Variants in SEMA6B observed in about 807,000 individuals in gnomAD.
The protein encoded by SEMA6B is semaphorin-6B.
Under a neutral mutation model 78.6 loss-of-function variants are expected in SEMA6B, and 47 were observed. The observed-to-expected ratio is 0.60, with a 90% CI of 0.47 to 0.76. SEMA6B has a LOEUF of 0.76. SEMA6B is among the 30% of genes least tolerant of loss of function. The pLI, the probability that SEMA6B is intolerant of heterozygous loss-of-function variation, is 0.00. For missense variants in SEMA6B, 1,213 were observed against 1,269.9 expected, an observed-to-expected ratio of 0.96 and a Z score of 0.68; for synonymous variants, 632 against 592.2, an observed-to-expected ratio of 1.07 and a Z score of -0.98.
At chr19:4,553,758 G>A (rs1977398279) in intron 9 of SEMA6B, among the ~76,000 whole-genome samples, 1 of 140,506 alleles carries the variant, frequency 7.1e-6, no homozygotes, top group Non-Finnish European at 1.5e-5. Context: ...GTGTGTTGGT[G>A]GATGGGTAGA....
chr19:4,548,456 G>C lies in SEMA6B; in HGVS notation c.1272-11C>G. On this transcript the variant is annotated splice_polypyrimidine_tract_variant and intron_variant, in intron 12 of 16. Coordinates refer to ENST00000586582, the MANE Select transcript of SEMA6B (RefSeq NM_032108.4). Reference sequence around the variant, plus strand: ...CGAGTCAGCTGGTGCCTGGGGGACAGGGCAGGGGAGGGTCAGGCTGGCCCC... The same window carrying C: ...CGAGTCAGCTGGTGCCTGGGGGACACGGCAGGGGAGGGTCAGGCTGGCCCC... 1 of 1,605,774 alleles carries C rather than the reference G, an allele frequency of 6.2e-7. No individual in the cohort carries two copies. Among genetic ancestry groups the C allele is most frequent in the South Asian group, 1.1e-5 (1 of 91,002 alleles).
intron 12 of SEMA6B, among the ~76,000 whole-genome samples, chr19:4,549,779 A>AT (rs1409167863): frequency 6.7e-6 from 1 of 149,150 alleles, no homozygotes; most frequent in Non-Finnish European, 1.5e-5. Context: ...TGCCCGGCCA[A>AT]TTTTTGTATT....
Position 4,556,083 on chromosome 19 carries a change from A to T in SEMA6B, c.376T>A (p.Cys126Ser). 1 of 1,613,172 alleles carries T rather than the reference A, an allele frequency of 6.2e-7. No homozygotes were observed. Among genetic ancestry groups the T allele is most frequent in the Non-Finnish European group, 8.5e-7 (1 of 1,179,340 alleles). The change falls in exon 6 of 17, where the codon TGT becomes AGT. Residue 126 changes from cysteine (C) to serine (S), a missense_variant. Transcript: ENST00000586582. ...CRMKGKQEGE[C>S]RNFVKVLLLR... ...AGCAGCACCTTTACGAAGTTTCGAC[A>T]CTCGCCCTGAGGTGGGGACAGGAGG...
At position 4,555,364 on chromosome 19, in the gene SEMA6B, G is replaced by A. The variant is rs1977439297; in HGVS notation, c.562+110C>T. On this transcript the variant is annotated intron_variant, in intron 7 of 16. Coordinates refer to ENST00000586582, the MANE Select transcript of SEMA6B (RefSeq NM_032108.4). The surrounding 1 kb of genome is among the most constrained non-coding windows in gnomAD (Gnocchi z 6.1). ...TGAGAGTCTGCCCATGTCACAGCTG[G>A]GACAAGTGGTCGTCCAGCTGCCTTC... is the stretch of plus-strand genomic sequence containing the variant. The A allele has an allele frequency of 3.0e-6, 3 of 987,080 alleles. No individual in the cohort carries two copies. Among genetic ancestry groups the A allele is most frequent in the Non-Finnish European group, 4.5e-6 (3 of 661,698 alleles). 61.1% of individuals were successfully genotyped at this position (987,080 alleles called of 1,614,324 possible).
At position 4,552,406 on chromosome 19, in the gene SEMA6B, A is replaced by C; in HGVS notation, c.989+16T>G. 1 of 1,559,846 alleles carries C rather than the reference A, an allele frequency of 6.4e-7. No individual in the cohort carries two copies. Among genetic ancestry groups the C allele is most frequent in the East Asian group, 2.4e-5 (1 of 41,680 alleles). On this transcript the variant is annotated intron_variant, in intron 10 of 16. Transcript: ENST00000586582. The surrounding 1 kb of genome is among the most constrained non-coding windows in gnomAD (Gnocchi z 7.4). ...CACCAAATGCTCCCAGTTTGCTCCC[A>C]TTGGTGGGCGCTGACCTGTTGCTGG...
rs147818752 is a variant in SEMA6B, at chr19:4,555,936, C to T, written c.471+52G>A. 7 of 1,433,556 alleles carry T rather than the reference C, an allele frequency of 4.9e-6. No homozygotes were observed. Among genetic ancestry groups the T allele is most frequent in the South Asian group, 4.6e-5 (4 of 87,508 alleles). The allele number at this position is 1,433,556 out of a possible 1,614,324, so 88.8% of individuals were successfully genotyped here. ...AAAGCCATGGCCAGCGGAGGTCGGG[C>T]GAGCAGAGGCCTGGAGGTTGGACCT... is the stretch of plus-strand genomic sequence containing the variant. On this transcript the variant is annotated intron_variant, in intron 6 of 16. Transcript: ENST00000586582. The surrounding 1 kb of genome is among the most constrained non-coding windows in gnomAD (Gnocchi z 6.1).
intron 14 of SEMA6B, among the ~76,000 whole-genome samples, 186 bp from the exon 15 acceptor site, chr19:4,546,655 G>A (rs8100754): frequency 0.11 from 17,276 of 151,928 alleles, 1,951 homozygotes; most frequent in African/African-American, 0.29. Flanking sequence ...ATGGAATTTC[G>A]CTCTTGTCGC....
At position 4,557,033 on chromosome 19, in the gene SEMA6B, G is replaced by A; in HGVS notation, c.307-20C>T. The A allele has an allele frequency of 6.2e-7, 1 of 1,611,338 alleles. No individual in the cohort carries two copies. The highest frequency in any genetic ancestry group is 8.5e-7 in the Non-Finnish European group (1 of 1,178,498). On this transcript the variant is annotated intron_variant, in intron 4 of 16. Coordinates refer to ENST00000586582, the MANE Select transcript of SEMA6B (RefSeq NM_032108.4). ...CAGCTTCTGCAGACAGAGAGAGCTG[G>A]TGAGGGGGTAACGGGTCCCAGCAGC...
rs185191338 is a variant in SEMA6B, at chr19:4,546,050, C to T, written c.1738+166G>A. ...CCTCCCAAAGTGCTGGGATTACAGGCGTGAGCCACCGCGCCCGGCCCACCC... is the reference window on the plus strand; with the variant it reads ...CCTCCCAAAGTGCTGGGATTACAGGTGTGAGCCACCGCGCCCGGCCCACCC... On this transcript the variant is annotated intron_variant, in intron 16 of 16. Transcript: ENST00000586582. The T allele has an allele frequency of 2.5e-3, 1,618 of 639,330 alleles. 45 individuals are homozygous for T. In the Admixed American group the frequency reaches 0.045, roughly 18 times the overall value. The allele number at this position is 639,330 out of a possible 1,614,324, so 39.6% of individuals were successfully genotyped here. A position where few individuals can be genotyped will look rare whatever the true frequency, so the allele number is the denominator to read the frequency against.
chr19:4,548,466 G>C (rs760159793), intron 12 of SEMA6B, 21 bp from the exon 13 acceptor site: 1 of 1,601,128 alleles, frequency 6.2e-7, no homozygotes, highest in Non-Finnish European at 8.5e-7. Context: ...GGGCAGGGGA[G>C]GGTCAGGCTG....
At position 4,554,410 on chromosome 19, in the gene SEMA6B, A is replaced by C. The variant is rs1011417883; in HGVS notation, c.749T>G (p.Met250Arg). The change falls in exon 9 of 17, where the codon ATG becomes AGG. Residue 250 changes from methionine (M) to arginine (R), a missense_variant. By Grantham distance (91) the Met-to-Arg change is moderately conservative. Coordinates refer to ENST00000586582, the MANE Select transcript of SEMA6B (RefSeq NM_032108.4). Reference protein sequence around the residue: ...HVYFFFREIAMEFNYLEKVVV... With the variant: ...HVYFFFREIAREFNYLEKVVV... ...CACCTTCTCCAGGTAGTTAAACTCC[A>C]TCGCAATCTCCCGGAAGAAGAAGTA... 1 of 1,613,934 alleles carries C rather than the reference A, an allele frequency of 6.2e-7. No individual in the cohort carries two copies. The highest frequency in any genetic ancestry group is 2.2e-5 in the East Asian group (1 of 44,884).
chr19:4,553,322 A>G (rs1040825945), intron 9 of SEMA6B, among the ~76,000 whole-genome samples: 2 of 133,262 alleles, frequency 1.5e-5, no homozygotes, highest in African/African-American at 5.9e-5. Flanking sequence ...AAGTGGGTGG[A>G]TGGATGGATG....
intron 5 of SEMA6B, 33 bp from the exon 6 acceptor site, chr19:4,556,122 G>A (rs770100599): frequency 6.7e-7 from 1 of 1,495,888 alleles, no homozygotes; most frequent in Non-Finnish European, 9.3e-7. Context: ...CGGGGAGCGC[G>A]ATGTGGGCGT....
chr19:4,551,042 G>T, intron 10 of SEMA6B, 112 bp from the exon 11 acceptor site: 1 of 1,224,104 alleles, frequency 8.2e-7, no homozygotes, highest in Non-Finnish European at 1.2e-6. Context: ...GTCTTCCTAG[G>T]CCAGAGATGT....
rs763844125 is a variant in SEMA6B at position 4,553,448 on chromosome 19, GTGGA to G, written c.772-813_772-810del. Among the ~76,000 whole-genome samples, 933 of 116,172 alleles carry G rather than the reference GTGGA, an allele frequency of 8.0e-3. 12 individuals are homozygous for G. Among genetic ancestry groups the G allele is most frequent in the South Asian group, 0.022 (68 of 3,142 alleles). The allele number at this position is 116,172 out of a possible 152,430, so 76.2% of individuals were successfully genotyped here. On this transcript the variant is annotated intron_variant, in intron 9 of 16. Coordinates refer to ENST00000586582, the MANE Select transcript of SEMA6B (RefSeq NM_032108.4). ...GATGGGTGGATGGTTGGATGGGTGA[GTGGA>G]TGGATGGATGGATGGATGGATGGAT... is the stretch of plus-strand genomic sequence containing the variant.
intron 16 of SEMA6B, 137 bp downstream of exon 16, chr19:4,546,079 G>T: frequency 1.1e-6 from 1 of 920,604 alleles, no homozygotes; most frequent in Non-Finnish European, 1.6e-6. Flanking sequence ...CCCACCCCAT[G>T]CCTTTCTAAA....
rs750796918 is a variant in SEMA6B, at chr19:4,544,277, C to T, written c.1991G>A (p.Gly664Asp). The T allele has an allele frequency of 1.1e-4, 146 of 1,319,812 alleles. No homozygotes were observed. Among genetic ancestry groups the T allele is most frequent in the South Asian group, 2.6e-4 (13 of 49,412 alleles). 81.8% of individuals were successfully genotyped at this position (1,319,812 alleles called of 1,614,324 possible). ...GCCACCGCCACCGCCTCCGCCCCGG[C>T]CCCCGGGACCCTGCGCCCTGCGCTC... The part of the protein sequence containing the change: ...LGERRAQGPG[G>D]RGGGGGGGAG... The change falls in exon 17 of 17, where the codon GGC becomes GAC. Residue 664 changes from glycine to aspartate, a missense_variant. Transcript: ENST00000586582. The surrounding 1 kb of genome is among the most constrained non-coding windows in gnomAD (Gnocchi z 5.1).
Position 4,552,431 on chromosome 19 carries a change from G to C in SEMA6B, c.980C>G (p.Pro327Arg), listed in dbSNP as rs1185721095. Residue 327 changes from proline (P) to arginine (R), a missense_variant, in exon 10 of 17, where the codon CCC (proline) becomes CGC (arginine). Pro to Arg is a moderately radical substitution (Grantham distance 103, BLOSUM62 -2). Transcript: ENST00000586582. This position sits in a 1 kb window ranked among gnomAD's most constrained non-coding sequence, Gnocchi z 7.4. ...ATTGGTGGGCGCTGACCTGTTGCTGGGCGTGGAAAAAACGGCCAGGACCAC... is the reference window on the plus strand; with the variant it reads ...ATTGGTGGGCGCTGACCTGTTGCTGCGCGTGGAAAAAACGGCCAGGACCAC... Reference protein sequence around the residue: ...RPVVLAVFSTPSNSIPGSAVC... With the variant: ...RPVVLAVFSTRSNSIPGSAVC... The C allele has an allele frequency of 3.2e-6, 5 of 1,582,902 alleles. No individual in the cohort carries two copies. The East Asian group carries it at 1.2e-4, about 37-fold the overall frequency.
rs1380641280 is a variant in SEMA6B, at chr19:4,543,931, G to A, written c.2337C>T (p.Pro779=). ...GGAAGTCGCCGTGGGAGGCGCGGCC[G>A]GGCCGGGCAGCATAGAGGCGGCCGT... ...TPDGRLYAAR[P]GRASHGDFPL... is the part of the protein sequence containing the mutation. Residue 779 remains proline, a synonymous_variant, in exon 17 of 17, where the codon CCC becomes CCT. Coordinates refer to ENST00000586582, the MANE Select transcript of SEMA6B (RefSeq NM_032108.4). 1.7e-6 allele frequency: 2 copies of A among 1,201,184 alleles called. No homozygotes were observed. Among genetic ancestry groups the A allele is most frequent in the Non-Finnish European group, 2.1e-6 (2 of 968,652 alleles). The allele number at this position is 1,201,184 out of a possible 1,614,324, so 74.4% of individuals were successfully genotyped here.
Sources: allele counts gnomAD v4.1 joint callset (sites outside exome capture counted in the v4.1 genomes callset), GRCh38; gene constraint gnomAD v4.1.1; non-coding constraint Gnocchi (gnomAD v3.1); transcripts MANE v1.5; gene names NCBI Gene and HGNC (gene_info 2026-07-23, HGNC 2026-07-21).